CARD10: variants seen among roughly 807,000 people sequenced by gnomAD.
The protein encoded by CARD10 is caspase recruitment domain-containing protein 10.
Under a neutral mutation model 114.6 loss-of-function variants are expected in CARD10, and 49 were observed. The ratio of observed to expected loss-of-function variants is 0.43; its 90% confidence interval spans 0.34 to 0.54. The LOEUF (loss-of-function observed/expected upper bound fraction) is 0.54, where lower values mean the gene tolerates loss of function less well. Ranked by LOEUF, CARD10 falls within the 20% of genes least tolerant of loss-of-function variation. The pLI, the probability that CARD10 is intolerant of heterozygous loss-of-function variation, is 0.03. For missense variants in CARD10, 1,206 were observed against 1,397.2 expected (o/e 0.86, Z 2.18); for synonymous variants, 602 against 593.2 (o/e 1.01, Z -0.21).
rs1923215162 is a variant in CARD10 at position 37,501,550 on chromosome 22, T to C, written c.1787+1052A>G. On this transcript the variant is annotated intron_variant, in intron 11 of 19. Transcript: ENST00000251973. The surrounding 1 kb of genome is among the most constrained non-coding windows in gnomAD (Gnocchi z 5.4). The stretch of plus-strand genomic sequence containing the variant: ...AGGCCCTGGTCCTATGCTGTACCCA[T>C]CTGCTGCGTGACCCATCCCTCTGCA... 6.6e-6 allele frequency among the ~76,000 whole-genome samples: 1 copy of C among 152,200 alleles called. No individual in the cohort carries two copies. The highest frequency in any genetic ancestry group is 1.5e-5 in the Non-Finnish European group (1 of 68,022).
intron 9 of CARD10, 49 bp downstream of exon 9, chr22:37,504,137 C>A: frequency 1.5e-6 from 2 of 1,348,260 alleles, no homozygotes; most frequent in Non-Finnish European, 2.1e-6. Flanking sequence ...GTTCGGGAAA[C>A]GGCAGCCCCA....
At chr22:37,518,776 C>T (rs994917467) in intron 1 of CARD10, among the ~76,000 whole-genome samples, 190 bp downstream of exon 1, 2 of 152,200 alleles carry the variant, frequency 1.3e-5, no homozygotes, top group Admixed American at 6.5e-5. Context: ...GTGGGCAACG[C>T]GGACCGCCAA....
At chr22:37,506,114 C>G in intron 7 of CARD10, 78 bp downstream of exon 7, 1 of 1,190,184 alleles carries the variant, frequency 8.4e-7, no homozygotes, top group Non-Finnish European at 1.1e-6. Flanking sequence ...AGGGCCGGCA[C>G]GTTCCCAGCC....
chr22:37,494,538 G>C (rs1922925079), intron 15 of CARD10: 3 of 321,910 alleles, frequency 9.3e-6, no homozygotes, highest in Non-Finnish European at 1.2e-5. Flanking sequence ...AAACTTTAGG[G>C]TCTCTTCCAA....
Position 37,491,399 on chromosome 22 carries a change from G to C in CARD10, c.2865-6C>G. ...CCGGCCGGCCCAGCAGACCCCTGCCGAGAGAAGAGTGAGCAGCGGTCAAAG... is the reference window on the plus strand; with the variant it reads ...CCGGCCGGCCCAGCAGACCCCTGCCCAGAGAAGAGTGAGCAGCGGTCAAAG... On this transcript the variant is annotated splice_region_variant and splice_polypyrimidine_tract_variant and intron_variant, in intron 19 of 19. Coordinates refer to ENST00000251973, the MANE Select transcript of CARD10 (RefSeq NM_014550.4). 6.8e-7 allele frequency: 1 copy of C among 1,473,304 alleles called. No individual in the cohort carries two copies. Among genetic ancestry groups the C allele is most frequent in the Non-Finnish European group, 9.0e-7 (1 of 1,113,044 alleles). 91.3% of individuals were successfully genotyped at this position (1,473,304 alleles called of 1,614,324 possible). A position where few individuals can be genotyped will look rare whatever the true frequency, so the allele number is the denominator to read the frequency against.
chr22:37,516,156 C>T lies in CARD10; in HGVS notation c.516G>A (p.Glu172=), dbSNP rs1923838686. 4 of 1,595,174 alleles carry T rather than the reference C, an allele frequency of 2.5e-6. No individual in the cohort carries two copies. In the East Asian group the frequency reaches 9.1e-5, roughly 36 times the overall value. The change falls in exon 3 of 20, where the codon GAG becomes GAA. Residue 172 remains glutamate (E), a synonymous_variant. Transcript: ENST00000251973. ...RVLEEERAGL[E]QRLRDQQQAQ... ...CCTGCTGCTGGTCCCGCAGCCGCTG[C>T]TCCAGCCCTGCCCGCTCCTCCTCGA... is the stretch of plus-strand genomic sequence containing the variant.
chr22:37,497,330 TCTC>T (rs1273344342), intron 11 of CARD10, 152 bp from the exon 12 acceptor site: 1 of 731,268 alleles, frequency 1.4e-6, no homozygotes, highest in Non-Finnish European at 2.2e-6. Context: ...TTCCTTGCCT[TCTC>T]CACCTGGGAA....
Position 37,517,886 on chromosome 22 carries a change from G to C in CARD10, c.373+85C>G. On this transcript the variant is annotated intron_variant, in intron 2 of 19. Coordinates refer to ENST00000251973, the MANE Select transcript of CARD10 (RefSeq NM_014550.4). ...TTTCCCTTACTGTTCAACAGGCATA[G>C]TGGGAGCGCCTCCCTAACAGGGATG... is the stretch of plus-strand genomic sequence containing the variant. 4 of 1,515,694 alleles carry C rather than the reference G, an allele frequency of 2.6e-6. No individual in the cohort carries two copies. In the East Asian group the frequency reaches 7.0e-5, roughly 27 times the overall value. The allele number at this position is 1,515,694 out of a possible 1,614,324, so 93.9% of individuals were successfully genotyped here. A position where few individuals can be genotyped will look rare whatever the true frequency, so the allele number is the denominator to read the frequency against.
chr22:37,498,837 C>T (rs1268764607), intron 11 of CARD10, among the ~76,000 whole-genome samples: 1 of 143,330 alleles, frequency 7.0e-6, no homozygotes, highest in East Asian at 2.1e-4. Context: ...GGCTGCTGAG[C>T]GTCAGTTACC....
chr22:37,493,280 C>T (rs1484852950), intron 16 of CARD10, among the ~76,000 whole-genome samples: 2 of 152,196 alleles, frequency 1.3e-5, no homozygotes, highest in East Asian at 1.9e-4. Context: ...ACCACTCAGC[C>T]CAGTTAACCC....
chr22:37,503,774 G>C (rs1400642230), intron 9 of CARD10, among the ~76,000 whole-genome samples: 1 of 152,188 alleles, frequency 6.6e-6, no homozygotes, highest in East Asian at 1.9e-4. Flanking sequence ...TGCCACCAGA[G>C]GGTGCGCCTT....
chr22:37,500,633 A>C (rs977954344), intron 11 of CARD10, among the ~76,000 whole-genome samples: 6 of 152,212 alleles, frequency 3.9e-5, no homozygotes, highest in Non-Finnish European at 7.3e-5. Context: ...AAGTGGGCAC[A>C]CAATACGGAT....
rs560395389 is a variant in CARD10 at position 37,516,006 on chromosome 22, C to T, written c.666G>A (p.Ser222=). The T allele has an allele frequency of 2.1e-5, 33 of 1,597,540 alleles. No homozygotes were observed. The African/African-American group carries it at 3.1e-4, about 15-fold the overall frequency. ...RLAQLSEEKN[S]AVLRSRDLQL... Reference sequence around the variant, plus strand: ...GCAGGTCACGGCTGCGAAGTACAGCCGAGTTCTTCTCCTCACTGAGCTGTG... The same window carrying T: ...GCAGGTCACGGCTGCGAAGTACAGCTGAGTTCTTCTCCTCACTGAGCTGTG... The change falls in exon 3 of 20, where the codon TCG becomes TCA. Residue 222 remains serine (S), a synonymous_variant. Transcript: ENST00000251973.
chr22:37,508,865 CA>C (rs1430087395), intron 4 of CARD10, 183 bp from the exon 5 acceptor site: 5 of 1,217,416 alleles, frequency 4.1e-6, no homozygotes, highest in Non-Finnish European at 4.6e-6. Context: ...TGTGGCCCCA[CA>C]AGCCCTACCC....
chr22:37,499,829 G>A (rs1923147569), intron 11 of CARD10, among the ~76,000 whole-genome samples: 1 of 152,102 alleles, frequency 6.6e-6, no homozygotes, highest in Non-Finnish European at 1.5e-5. Flanking sequence ...CAAGCAGGAG[G>A]GGTAGAGAAA....
intron 6 of CARD10, among the ~76,000 whole-genome samples, chr22:37,507,421 C>T (rs1028796726): frequency 2.0e-5 from 3 of 152,266 alleles, no homozygotes; most frequent in African/African-American, 7.2e-5. Context: ...CGGAGGTCCT[C>T]AGCCCACCCC....
Position 37,495,700 on chromosome 22 carries a change from C to T in CARD10, c.2303+60G>A, listed in dbSNP as rs934870175. ...AGGGAATGCAGGTGGAGGGAGAGCA[C>T]CCCCATCTGAGCCCTGGCTCCCAGG... On this transcript the variant is annotated intron_variant, in intron 14 of 19. Transcript: ENST00000251973. The T allele has an allele frequency of 1.4e-5, 23 of 1,610,946 alleles. No individual in the cohort carries two copies. The African/African-American group carries it at 2.5e-4, about 18-fold the overall frequency.
chr22:37,506,737 C>T (rs1923424312), intron 6 of CARD10, among the ~76,000 whole-genome samples: 1 of 152,112 alleles, frequency 6.6e-6, no homozygotes, highest in Admixed American at 6.6e-5. Context: ...GCTTCACTCC[C>T]AGCATCCCAG....
In CARD10 at chr22:37,508,000, T is replaced by C. The variant is rs750099430; in HGVS notation, c.1066-46A>G. The stretch of plus-strand genomic sequence containing the variant: ...GGTCAGACCACAGGGCTGGGGACCA[T>C]GAGAAAGCTAACCAGCAGGTGCCCA... On this transcript the variant is annotated intron_variant, in intron 5 of 19. Coordinates refer to ENST00000251973, the MANE Select transcript of CARD10 (RefSeq NM_014550.4). 3.1e-6 allele frequency: 5 copies of C among 1,608,820 alleles called. No individual in the cohort carries two copies. The East Asian group carries it at 8.9e-5, about 29-fold the overall frequency.
Sources: allele counts gnomAD v4.1 joint callset (sites outside exome capture counted in the v4.1 genomes callset), GRCh38; gene constraint gnomAD v4.1.1; non-coding constraint Gnocchi (gnomAD v3.1); transcripts MANE v1.5; gene names NCBI Gene and HGNC (gene_info 2026-07-23, HGNC 2026-07-21).